Variants in TUSC3 observed in about 807,000 individuals in gnomAD.
TUSC3 encodes tumor suppressor candidate 3, also known as dolichyl-diphosphooligosaccharide--protein glycosyltransferase subunit TUSC3.
In TUSC3, 45 loss-of-function variants were observed where a neutral mutation model predicts 44.8. That is an observed-to-expected ratio of 1.00 (90% CI 0.79 to 1.29). The LOEUF is 1.29. Among genes scored for constraint, TUSC3 ranks in the 50% most tolerant of loss-of-function variants. The pLI, the probability that TUSC3 is intolerant of heterozygous loss-of-function variation, is 0.00. For synonymous variants in TUSC3, 212 were observed against 152.9 expected (o/e 1.39, Z -2.85); for missense variants, 519 against 437.9 (o/e 1.19, Z -1.65).
intron 1 of TUSC3, among the ~76,000 whole-genome samples, chr8:15,542,280 GT>G (rs1249403143): frequency 2.6e-5 from 4 of 152,090 alleles, no homozygotes; most frequent in Non-Finnish European, 4.4e-5. Context: ...GGAGACCATG[GT>G]TTTATTAGCC....
At chr8:15,776,210 A>G in the TUSC3 span, among the ~76,000 whole-genome samples, 3 of 152,174 alleles carry the variant, frequency 2.0e-5, no homozygotes, top group Non-Finnish European at 2.9e-5. Context: ...TAAAGCTAAA[A>G]TTAAAAATAC....
chr8:15,589,227 A>G (rs1006757854), intron 1 of TUSC3, among the ~76,000 whole-genome samples: 2 of 152,164 alleles, frequency 1.3e-5, no homozygotes, highest in Admixed American at 6.5e-5. Flanking sequence ...AGTTTTTTGT[A>G]GGCAGCATAC....
intron 1 of TUSC3, among the ~76,000 whole-genome samples, chr8:15,440,798 G>T (rs1016858082): frequency 6.6e-6 from 1 of 152,064 alleles, no homozygotes; most frequent in African/African-American, 2.4e-5. Flanking sequence ...CTACTGGGAA[G>T]AGAGAGACTA....
chr8:15,594,320 C>T (rs1211021841), intron 1 of TUSC3, among the ~76,000 whole-genome samples: 1 of 152,118 alleles, frequency 6.6e-6, no homozygotes, highest in Non-Finnish European at 1.5e-5. Flanking sequence ...ATGTAGATTA[C>T]AGCTTAATGT....
the TUSC3 span, among the ~76,000 whole-genome samples, chr8:15,850,267 G>C: frequency 1.3e-5 from 2 of 151,974 alleles, no homozygotes; most frequent in African/African-American, 4.8e-5. Flanking sequence ...CATATAAAAG[G>C]TGTTATTTCA....
At chr8:15,582,862 A>G (rs1803431323) in intron 1 of TUSC3, among the ~76,000 whole-genome samples, 2 of 152,324 alleles carry the variant, frequency 1.3e-5, no homozygotes, top group South Asian at 2.1e-4. Context: ...GATATGTAAC[A>G]CTTCTCCTTT....
At chr8:15,514,001 C>A (rs571683113) in intron 2 of TUSC3, among the ~76,000 whole-genome samples, 1 of 152,248 alleles carries the variant, frequency 6.6e-6, no homozygotes, top group Non-Finnish European at 1.5e-5. Flanking sequence ...TACAATAAAG[C>A]CCCTCTTACA....
chr8:15,679,368 A>AT (rs1808317671), intron 6 of TUSC3, among the ~76,000 whole-genome samples: 1 of 151,752 alleles, frequency 6.6e-6, no homozygotes, highest in South Asian at 2.1e-4. Context: ...GTTGATGAGC[A>AT]TTTTTTCATG....
At chr8:15,574,650 G>T (rs770017418) in intron 1 of TUSC3, among the ~76,000 whole-genome samples, 1 of 151,952 alleles carries the variant, frequency 6.6e-6, no homozygotes, top group Non-Finnish European at 1.5e-5. Context: ...TTACTTTTAG[G>T]GTTTTGACCC....
intron 1 of TUSC3, among the ~76,000 whole-genome samples, chr8:15,438,186 C>A (rs1799975716): frequency 1.3e-5 from 2 of 152,148 alleles, no homozygotes; most frequent in Admixed American, 1.3e-4. Flanking sequence ...TCTCCGTCTC[C>A]TGGGTTCAAC....
chr8:15,510,659 G>T (rs1277108619), intron 2 of TUSC3, among the ~76,000 whole-genome samples: 1 of 151,996 alleles, frequency 6.6e-6, no homozygotes, highest in African/African-American at 2.4e-5. Context: ...TCAAACATTT[G>T]AGGAGGAGAT....
intron 1 of TUSC3, among the ~76,000 whole-genome samples, chr8:15,478,781 C>T (rs751719443): frequency 6.6e-6 from 1 of 152,050 alleles, no homozygotes; most frequent in Non-Finnish European, 1.5e-5. Context: ...ATTTATACTC[C>T]TTTGGGTATA....
At chr8:15,666,758 T>G (rs1021518947) in intron 5 of TUSC3, among the ~76,000 whole-genome samples, 1 of 151,476 alleles carries the variant, frequency 6.6e-6, no homozygotes, top group African/African-American at 2.4e-5. Context: ...ATGTTGTTTT[T>G]GGATGGCCCC....
At chr8:15,825,486 C>T in the TUSC3 span, among the ~76,000 whole-genome samples, 189 of 152,190 alleles carry the variant, frequency 1.2e-3, no homozygotes, top group African/African-American at 4.4e-3. Context: ...ATTCAATTAC[C>T]TCCCACCAGG....
chr8:15,821,791 G>A, the TUSC3 span, among the ~76,000 whole-genome samples: 55 of 146,630 alleles, frequency 3.8e-4, no homozygotes, highest in African/African-American at 1.4e-3. Context: ...GTTTGTTTGT[G>A]TTTTGTTCAC....
the TUSC3 span, among the ~76,000 whole-genome samples, chr8:15,777,276 C>T: frequency 2.0e-5 from 3 of 152,212 alleles, no homozygotes; most frequent in Non-Finnish European, 2.9e-5. Context: ...CCCACCTTTT[C>T]GGGAGCTGGG....
chr8:15,434,696 C>G (rs1799922949), intron 1 of TUSC3, among the ~76,000 whole-genome samples: 1 of 151,906 alleles, frequency 6.6e-6, no homozygotes. Flanking sequence ...TTCCCCCACC[C>G]CACAACAGGC....
At chr8:15,636,705 A>G (rs1338627157) in intron 2 of TUSC3, among the ~76,000 whole-genome samples, 1 of 152,178 alleles carries the variant, frequency 6.6e-6, no homozygotes, top group African/African-American at 2.4e-5. Context: ...TTTCCTTTTC[A>G]GAGGACACTG....
At chr8:15,836,435 C>G in the TUSC3 span, among the ~76,000 whole-genome samples, 1 of 149,568 alleles carries the variant, frequency 6.7e-6, no homozygotes, top group African/African-American at 2.5e-5. Context: ...TGGGATCACA[C>G]CACCGCACTC....
Sources: allele counts gnomAD v4.1 joint callset (sites outside exome capture counted in the v4.1 genomes callset), GRCh38; gene constraint gnomAD v4.1.1; transcripts MANE v1.5; gene names NCBI Gene and HGNC (gene_info 2026-07-23, HGNC 2026-07-21).